The following MYCBP2 variants were observed in gnomAD, a reference collection of about 807,000 sequenced individuals.
MYCBP2 encodes MYC binding protein 2.
In MYCBP2, 120 loss-of-function variants were observed where a neutral mutation model predicts 525.3. The observed-to-expected ratio is 0.23, with a 90% confidence interval of 0.20 to 0.27. The LOEUF is 0.27. MYCBP2 is among the 10% of genes least tolerant of loss of function. The pLI, the probability that MYCBP2 is intolerant of heterozygous loss-of-function variation, is 1.00. For synonymous variants in MYCBP2, 1,894 were observed against 1,955.8 expected, an observed-to-expected ratio of 0.97 and a Z score of 0.83; for missense variants, 4,149 against 5,657.1, an observed-to-expected ratio of 0.73 and a Z score of 8.55.
chr13:77,279,636 C>CA (rs752863753), intron 3 of MYCBP2, among the ~76,000 whole-genome samples: 3 of 152,058 alleles, frequency 2.0e-5, no homozygotes, highest in Non-Finnish European at 4.4e-5. Flanking sequence ...TAGAAACTCC[C>CA]AAAACCATTA....
In MYCBP2 at chr13:77,185,882, T is replaced by C. The variant is rs777805734; in HGVS notation, c.4433A>G (p.Tyr1478Cys). 6.3e-7 allele frequency: 1 copy of C among 1,581,876 alleles called. No individual in the cohort carries two copies. The highest frequency in any genetic ancestry group is 8.6e-7 in the Non-Finnish European group (1 of 1,168,774). Reference sequence around the variant, plus strand: ...AAAATGCATCATACCTGACACTGGGTAAATTTCACAGGTATAGACACGCAA... The same window carrying C: ...AAAATGCATCATACCTGACACTGGGCAAATTTCACAGGTATAGACACGCAA... ...RLLRVYTCEI[Y>C]PVSATGKAVV... Residue 1478 changes from tyrosine to cysteine, a missense_variant, in exon 31 of 83, where the codon TAC (tyrosine) becomes TGC (cysteine). Coordinates refer to ENST00000544440, the MANE Select transcript of MYCBP2 (RefSeq NM_015057.5).
intron 68 of MYCBP2, among the ~76,000 whole-genome samples, chr13:77,076,366 T>G (rs1400179204): frequency 1.3e-5 from 2 of 152,156 alleles, no homozygotes; most frequent in Admixed American, 1.3e-4. Context: ...ACTGCTTTTG[T>G]TTGGGGAAAT....
At chr13:77,184,708 T>C (rs561313207) in intron 32 of MYCBP2, among the ~76,000 whole-genome samples, 34 of 152,360 alleles carry the variant, frequency 2.2e-4, no homozygotes, top group Admixed American at 2.0e-3. Flanking sequence ...GGTTGTGGCT[T>C]CCTCATGAAT....
intron 52 of MYCBP2, among the ~76,000 whole-genome samples, chr13:77,134,582 C>CA (rs199903393): frequency 0.072 from 10,161 of 140,558 alleles, 428 homozygotes; most frequent in African/African-American, 0.12. Context: ...ACAAAAATAA[C>CA]AAAAAAAAAA....
chr13:77,157,816 T>C, intron 45 of MYCBP2, 121 bp downstream of exon 45: 1 of 780,018 alleles, frequency 1.3e-6, no homozygotes, highest in Non-Finnish European at 2.1e-6. Flanking sequence ...TTCAGCAAGT[T>C]AAACATACAT....
rs1415937356 is a variant in MYCBP2 at position 77,081,788 on chromosome 13, T to C, written c.11193+49A>G. 7 of 1,576,124 alleles carry C rather than the reference T, an allele frequency of 4.4e-6. No individual in the cohort carries two copies. The highest frequency in any genetic ancestry group is 6.0e-6 in the Non-Finnish European group (7 of 1,161,126). On this transcript the variant is annotated intron_variant, in intron 64 of 82. Transcript: ENST00000544440. The surrounding 1 kb of genome is among the most constrained non-coding windows in gnomAD (Gnocchi z 4.6). ...GAATAACTTACAGTTTCTCCTTTGA[T>C]GTATTATTAACTAACAGGACAACCA... is the stretch of plus-strand genomic sequence containing the variant.
chr13:77,094,660 T>C (rs187776281), intron 58 of MYCBP2, among the ~76,000 whole-genome samples: 13 of 152,292 alleles, frequency 8.5e-5, no homozygotes, highest in Admixed American at 6.5e-4. Context: ...CTCACCTGGG[T>C]TATTCTTCCA....
rs2038615537 is a variant in MYCBP2 at position 77,058,496 on chromosome 13, CTTTCCCACAGGAAGTATCTAT to C, written c.13141-111_13141-91del. The C allele has an allele frequency of 1.7e-6, 2 of 1,165,688 alleles. No homozygotes were observed. Among genetic ancestry groups the C allele is most frequent in the African/African-American group, 3.2e-5 (2 of 63,400 alleles). 72.2% of individuals were successfully genotyped at this position (1,165,688 alleles called of 1,614,324 possible). ...TTATTATATAAATTTCCAAAGATTA[CTTTCCCACAGGAAGTATCTAT>C]GCAGGCCAAGTAACAACAAAGTAAA... On this transcript the variant is annotated intron_variant, in intron 77 of 82. Coordinates refer to ENST00000544440, the MANE Select transcript of MYCBP2 (RefSeq NM_015057.5). The surrounding 1 kb of genome is among the most constrained non-coding windows in gnomAD (Gnocchi z 4.1).
At chr13:77,289,973 T>G (rs2077302887) in intron 2 of MYCBP2, among the ~76,000 whole-genome samples, 1 of 151,770 alleles carries the variant, frequency 6.6e-6, no homozygotes, top group Non-Finnish European at 1.5e-5. Context: ...AAACCACATA[T>G]CCAACAAAGG....
intron 52 of MYCBP2, among the ~76,000 whole-genome samples, chr13:77,137,124 C>T (rs1015229918): frequency 8.5e-5 from 13 of 152,256 alleles, no homozygotes; most frequent in South Asian, 2.1e-4. Context: ...CACTCCTTAC[C>T]GCTCCTCTAA....
chr13:77,235,308 G>T (rs544430214), intron 17 of MYCBP2, among the ~76,000 whole-genome samples: 1 of 152,096 alleles, frequency 6.6e-6, no homozygotes, highest in African/African-American at 2.4e-5. Context: ...CAATCAGCAA[G>T]GTTTCAAAGA....
intron 66 of MYCBP2, 85 bp downstream of exon 66, chr13:77,078,739 C>A: frequency 9.3e-7 from 1 of 1,071,032 alleles, no homozygotes; most frequent in Non-Finnish European, 1.4e-6. Context: ...TGGTTGTGTG[C>A]CAAGGGTGGA....
At chr13:77,080,409 G>C (rs975643527) in intron 65 of MYCBP2, 1 of 152,130 alleles carries the variant, frequency 6.6e-6, no homozygotes, top group African/African-American at 2.4e-5. Context: ...CATCCATTCT[G>C]AGGAAAAAAA....
chr13:77,188,425 AT>A (rs2060961304), intron 30 of MYCBP2, among the ~76,000 whole-genome samples: 1 of 152,208 alleles, frequency 6.6e-6, no homozygotes, highest in African/African-American at 2.4e-5. Flanking sequence ...TCCTCAATTA[AT>A]ACATGAGAGA....
chr13:77,286,509 G>A (rs1019773484), intron 3 of MYCBP2, among the ~76,000 whole-genome samples: 3 of 150,954 alleles, frequency 2.0e-5, no homozygotes, highest in East Asian at 2.0e-4. Context: ...ATCCCAGCAC[G>A]TTGGGAGGCC....
intron 13 of MYCBP2, among the ~76,000 whole-genome samples, chr13:77,258,895 A>C (rs1277072705): frequency 1.3e-5 from 2 of 152,168 alleles, no homozygotes; most frequent in Admixed American, 6.5e-5. Context: ...CAAAAAGAAA[A>C]CTCTTAAATG....
intron 46 of MYCBP2, among the ~76,000 whole-genome samples, chr13:77,153,160 G>T (rs1382280097): frequency 1.3e-5 from 2 of 150,818 alleles, no homozygotes; most frequent in Non-Finnish European, 3.0e-5. Flanking sequence ...TGCCAGACAA[G>T]AATTCAGGAC....
intron 1 of MYCBP2, among the ~76,000 whole-genome samples, chr13:77,304,161 A>C (rs1001237212): frequency 2.0e-5 from 3 of 152,190 alleles, no homozygotes; most frequent in Non-Finnish European, 4.4e-5. Flanking sequence ...CGTATGTTGA[A>C]AAGATTCAGA....
In MYCBP2 at chr13:77,158,118, T is replaced by A. The variant is rs757821724; in HGVS notation, c.6598-9A>T. ...GAATGGGTTTTGCACACCTGTTAAG[T>A]AAAAAAGAATATTTATATATTCTTA... On this transcript the variant is annotated splice_polypyrimidine_tract_variant and intron_variant, in intron 44 of 82. Transcript: ENST00000544440. The A allele has an allele frequency of 6.6e-7, 1 of 1,520,596 alleles. No homozygotes were observed. Among genetic ancestry groups the A allele is most frequent in the Non-Finnish European group, 8.8e-7 (1 of 1,135,758 alleles). The allele number at this position is 1,520,596 out of a possible 1,614,324, so 94.2% of individuals were successfully genotyped here.
Sources: allele counts gnomAD v4.1 joint callset (sites outside exome capture counted in the v4.1 genomes callset), GRCh38; gene constraint gnomAD v4.1.1; non-coding constraint Gnocchi (gnomAD v3.1); transcripts MANE v1.5; gene names NCBI Gene and HGNC (gene_info 2026-07-23, HGNC 2026-07-21).